The following C2orf66 variants were observed in gnomAD, a reference collection of about 807,000 sequenced individuals.
C2orf66 encodes uncharacterized protein C2orf66.
Under a neutral mutation model 7.0 loss-of-function variants are expected in C2orf66, and 6 were observed. The observed-to-expected ratio is 0.86, with a 90% CI of 0.47 to 1.69. The LOEUF (loss-of-function observed/expected upper bound fraction) is 1.69, where lower values mean the gene tolerates loss of function less well. Among genes scored for constraint, C2orf66 ranks in the 40% most tolerant of loss-of-function variants. The probability of loss-of-function intolerance (pLI) is 0.01; values close to 1 mark genes in which losing one functional copy is unlikely to be tolerated. For missense variants in C2orf66, 107 were observed against 112.0 expected (o/e 0.96, Z 0.20); for synonymous variants, 38 against 43.8 (o/e 0.87, Z 0.52).
chr2:196,820,542 C>G, the C2orf66 span, among the ~76,000 whole-genome samples: 1 of 152,226 alleles, frequency 6.6e-6, no homozygotes, highest in African/African-American at 2.4e-5. Flanking sequence ...TGCTTTGTCA[C>G]TACTCATTGT....
chr2:196,822,172 C>T, the C2orf66 span, among the ~76,000 whole-genome samples: 1 of 151,728 alleles, frequency 6.6e-6, no homozygotes, highest in Non-Finnish European at 1.5e-5. Flanking sequence ...CTTGGCCTCC[C>T]AAAGTGCTGG....
chr2:196,813,985 T>C (rs891526222), upstream of C2orf66, among the ~76,000 whole-genome samples: 2 of 152,210 alleles, frequency 1.3e-5, no homozygotes, highest in African/African-American at 4.8e-5. Context: ...GAGTGTATAT[T>C]AGTTCAACCA....
At chr2:196,823,904 C>G in the C2orf66 span, among the ~76,000 whole-genome samples, 4 of 152,194 alleles carry the variant, frequency 2.6e-5, no homozygotes, top group Admixed American at 2.0e-4. Context: ...GCCATTGACT[C>G]AGAGATACTT....
In C2orf66 at chr2:196,807,512, T is replaced by A. The variant is rs2125757925; in HGVS notation, c.234A>T (p.Glu78Asp). The A allele has an allele frequency of 1.2e-6, 2 of 1,613,796 alleles. No individual in the cohort carries two copies. Among genetic ancestry groups the A allele is most frequent in the East Asian group, 4.5e-5 (2 of 44,838 alleles). The change falls in exon 2 of 3, where the codon GAA (glutamate) becomes GAT (aspartate). Residue 78 changes from glutamate (E) to aspartate (D), a missense_variant. Glu to Asp is a conservative substitution (Grantham distance 45). Coordinates refer to ENST00000342506, the MANE Select transcript of C2orf66 (RefSeq NM_213608.3). The stretch of plus-strand genomic sequence containing the variant: ...AATCTGCAGATGCAGAAGCAGTAAG[T>A]TCTGACTGGAAAGAGAGAGGTCTAG... ...ENPRPLSFQSELTASASADYE... is the reference protein window; with the variant it reads ...ENPRPLSFQSDLTASASADYE...
At chr2:196,815,559 C>A in the C2orf66 span, among the ~76,000 whole-genome samples, 1 of 152,234 alleles carries the variant, frequency 6.6e-6, no homozygotes, top group African/African-American at 2.4e-5. Context: ...TGCTTCTGCA[C>A]CCAGAGGCAT....
chr2:196,819,272 C>A, the C2orf66 span, among the ~76,000 whole-genome samples: 3 of 152,090 alleles, frequency 2.0e-5, no homozygotes, highest in African/African-American at 7.2e-5. Flanking sequence ...GAAAACCTAA[C>A]CCTAAATGTG....
the C2orf66 span, among the ~76,000 whole-genome samples, chr2:196,815,151 GTA>G: frequency 6.0e-5 from 9 of 149,312 alleles, no homozygotes; most frequent in Non-Finnish European, 1.0e-4. Context: ...TTCTTTTTTT[GTA>G]GAACCATGTT....
the C2orf66 span, among the ~76,000 whole-genome samples, chr2:196,815,224 C>G: frequency 6.6e-6 from 1 of 152,106 alleles, no homozygotes; most frequent in African/African-American, 2.4e-5. Flanking sequence ...CTGCCTGAGC[C>G]TCCCAAAGTT....
In C2orf66 at chr2:196,805,062, G is replaced by T. The variant is rs1017811513; in HGVS notation, c.*366C>A. ...CATGTCCCTTTAAAAAAATATATTG[G>T]TCGATAAAAGATAATAAACATAAAA... is the stretch of plus-strand genomic sequence containing the variant. On this transcript the variant is annotated 3_prime_UTR_variant, in exon 3 of 3. Transcript: ENST00000342506. The T allele has an allele frequency of 6.6e-6, 1 of 151,930 alleles. No individual in the cohort carries two copies. The highest frequency in any genetic ancestry group is 2.4e-5 in the African/African-American group (1 of 41,348). The allele number at this position is 151,930 out of a possible 1,614,324, so 9.4% of individuals were successfully genotyped here.
At chr2:196,831,572 C>T in the C2orf66 span, among the ~76,000 whole-genome samples, 1 of 152,136 alleles carries the variant, frequency 6.6e-6, no homozygotes. Flanking sequence ...GGATGGGTCC[C>T]CAGGTTGTGA....
chr2:196,816,801 A>C, the C2orf66 span, among the ~76,000 whole-genome samples: 1 of 152,350 alleles, frequency 6.6e-6, no homozygotes, highest in South Asian at 2.1e-4. Context: ...CTAGAGTGTA[A>C]GCCAATTCTA....
At chr2:196,807,391 T>C in intron 2 of C2orf66, 33 bp downstream of exon 2, 1 of 1,259,712 alleles carries the variant, frequency 7.9e-7, no homozygotes, top group South Asian at 1.3e-5. Flanking sequence ...CTTGTATGTT[T>C]GGACAGATCC....
the C2orf66 span, among the ~76,000 whole-genome samples, chr2:196,824,281 G>A: frequency 6.7e-6 from 1 of 150,260 alleles, no homozygotes; most frequent in Non-Finnish European, 1.5e-5. Flanking sequence ...TTCTTTTTTT[G>A]AGAATGAAAT....
At chr2:196,828,230 T>TCTCACACACA in the C2orf66 span, among the ~76,000 whole-genome samples, 9 of 125,154 alleles carry the variant, frequency 7.2e-5, no homozygotes, top group African/African-American at 1.8e-4. Context: ...TCTCTCTCTC[T>TCTCACACACA]CACACACACA....
chr2:196,812,121 A>G (rs1175605985), upstream of C2orf66, among the ~76,000 whole-genome samples: 2 of 152,216 alleles, frequency 1.3e-5, no homozygotes, highest in African/African-American at 4.8e-5. Context: ...AAAGTGTTGT[A>G]GTTGTTAAAA....
chr2:196,824,464 T>C, the C2orf66 span, among the ~76,000 whole-genome samples: 1 of 152,232 alleles, frequency 6.6e-6, no homozygotes, highest in Non-Finnish European at 1.5e-5. Context: ...TGATTTTTTT[T>C]CTTCAAAGTT....
the C2orf66 span, among the ~76,000 whole-genome samples, chr2:196,820,527 G>T: frequency 6.6e-6 from 1 of 152,168 alleles, no homozygotes; most frequent in Non-Finnish European, 1.5e-5. Context: ...ATGTGTCAGG[G>T]CCTCTGCTTT....
chr2:196,829,683 G>T, the C2orf66 span, among the ~76,000 whole-genome samples: 190 of 151,964 alleles, frequency 1.3e-3, no homozygotes, highest in African/African-American at 4.4e-3. Flanking sequence ...GGATCACGAG[G>T]TCTGGAGATA....
the C2orf66 span, among the ~76,000 whole-genome samples, chr2:196,819,933 A>C: frequency 6.6e-6 from 1 of 152,148 alleles, no homozygotes; most frequent in African/African-American, 2.4e-5. Context: ...GTAAAGTGTA[A>C]ATTAATATTT....
Sources: gnomAD v4.1 joint callset for allele counts (sites outside exome capture counted in the v4.1 genomes callset) on GRCh38, gnomAD v4.1.1 for gene constraint, MANE v1.5 for transcripts, NCBI Gene and HGNC (gene_info 2026-07-23, HGNC 2026-07-21) for gene names.